The following APCDD1L variants were observed in gnomAD, a reference collection of about 807,000 sequenced individuals.
APCDD1L encodes APC down-regulated 1 like.
A neutral mutation model predicts 24.2 loss-of-function variants in APCDD1L; 21 were observed. The observed-to-expected ratio is 0.87, with a 90% CI of 0.61 to 1.25. The LOEUF is 1.25. Among genes scored for constraint, APCDD1L ranks in the 50% most tolerant of loss-of-function variants. The pLI is 0.00. For missense variants in APCDD1L, 704 were observed against 711.7 expected, an observed-to-expected ratio of 0.99 and a Z score of 0.12; for synonymous variants, 321 against 323.6, an observed-to-expected ratio of 0.99 and a Z score of 0.09.
Position 58,467,262 on chromosome 20 carries a change from C to G in APCDD1L, c.585G>C (p.Glu195Asp). ...CLEALGLTMH[E>D]LSLVRVQRRL... ...GGCGCTGCACGCGGACCAGGCTGAGCTCGTGCATGGTGAGGCCCAGCGCCT... is the reference window on the plus strand; with the variant it reads ...GGCGCTGCACGCGGACCAGGCTGAGGTCGTGCATGGTGAGGCCCAGCGCCT... Residue 195 changes from glutamate to aspartate, a missense_variant, in exon 3 of 4, where the codon GAG (glutamate) becomes GAC (aspartate). Coordinates refer to ENST00000371149, the MANE Select transcript of APCDD1L (RefSeq NM_153360.3). The surrounding 1 kb of genome is among the most constrained non-coding windows in gnomAD (Gnocchi z 5.9). 1 of 1,577,756 alleles carries G rather than the reference C, an allele frequency of 6.3e-7. No individual in the cohort carries two copies.
Position 58,494,618 on chromosome 20 carries a change from T to C in APCDD1L, c.49+20041A>G, listed in dbSNP as rs1190286844. ...CCTCCCAAAGCGTTGGGATTATAGGTGTGAGCCACTGTGCCTGGCTGTCAA... is the reference window on the plus strand; with the variant it reads ...CCTCCCAAAGCGTTGGGATTATAGGCGTGAGCCACTGTGCCTGGCTGTCAA... On this transcript the variant is annotated intron_variant, in intron 1 of 3. Coordinates refer to ENST00000371149, the MANE Select transcript of APCDD1L (RefSeq NM_153360.3). This position sits in a 1 kb window ranked among gnomAD's most constrained non-coding sequence, Gnocchi z 4.8. 1.3e-5 allele frequency among the ~76,000 whole-genome samples: 2 copies of C among 152,138 alleles called. No homozygotes were observed. Among genetic ancestry groups the C allele is most frequent in the African/African-American group, 4.8e-5 (2 of 41,424 alleles).
rs373395934 is a variant in APCDD1L at position 58,492,543 on chromosome 20, A to G, written c.50-21796T>C. On this transcript the variant is annotated intron_variant, in intron 1 of 3. Transcript: ENST00000371149. ...TATGAATTGCAAAAATAGCAAGAGT[A>G]GGTGAGGACCAATGGGAACCCTGCC... 9.9e-5 allele frequency among the ~76,000 whole-genome samples: 15 copies of G among 152,274 alleles called. No individual in the cohort carries two copies. In the East Asian group the frequency reaches 2.3e-3, roughly 23 times the overall value.
Position 58,467,032 on chromosome 20 carries a change from T to A in APCDD1L, c.741+74A>T. 6.6e-7 allele frequency: 1 copy of A among 1,504,548 alleles called. No homozygotes were observed. The highest frequency in any genetic ancestry group is 8.8e-7 in the Non-Finnish European group (1 of 1,132,174). The allele number at this position is 1,504,548 out of a possible 1,614,324, so 93.2% of individuals were successfully genotyped here. Reference sequence around the variant, plus strand: ...TGGGCAGGCCCAGGTCTTGCAAAGCTGCGGGGCTGGGTTCCGAGCTCGCCT... The same window carrying A: ...TGGGCAGGCCCAGGTCTTGCAAAGCAGCGGGGCTGGGTTCCGAGCTCGCCT... On this transcript the variant is annotated intron_variant, in intron 3 of 3. Transcript: ENST00000371149. This position sits in a 1 kb window ranked among gnomAD's most constrained non-coding sequence, Gnocchi z 5.9.
At chr20:58,502,307 G>C (rs6128357) in intron 1 of APCDD1L, among the ~76,000 whole-genome samples, 1 of 152,038 alleles carries the variant, frequency 6.6e-6, no homozygotes, top group African/African-American at 2.4e-5. Flanking sequence ...CACCATGTTG[G>C]CCAGGCTGGT....
In APCDD1L at chr20:58,470,679, G is replaced by A. The variant is rs888411625; in HGVS notation, c.118C>T (p.Pro40Ser). 1.0e-5 allele frequency: 16 copies of A among 1,560,316 alleles called. No homozygotes were observed. In the Admixed American group the frequency reaches 2.7e-4, roughly 26 times the overall value. ...CLRWEPHCQQ[P>S]LPDRVPSTAI... The stretch of plus-strand genomic sequence containing the variant: ...GTGCTGGGCACTCTATCTGGCAAGG[G>A]CTGCTGGCAGTGGGGTTCCCAGCGC... Residue 40 changes from proline to serine, a missense_variant, in exon 2 of 4, where the codon CCC (proline) becomes TCC (serine). By Grantham distance (74) the Pro-to-Ser change is moderately conservative. Transcript: ENST00000371149.
chr20:58,492,012 C>G (rs1185105798), intron 1 of APCDD1L, among the ~76,000 whole-genome samples: 2 of 152,114 alleles, frequency 1.3e-5, no homozygotes, highest in Non-Finnish European at 2.9e-5. Context: ...TGGTTATCCC[C>G]GTGGAAAGGA....
At chr20:58,471,878 T>A (rs1240056312) in intron 1 of APCDD1L, among the ~76,000 whole-genome samples, 3 of 151,700 alleles carry the variant, frequency 2.0e-5, no homozygotes, top group Non-Finnish European at 2.9e-5. Flanking sequence ...GGGGCTGGAG[T>A]GGGTCAGGAG....
At position 58,508,427 on chromosome 20, in the gene APCDD1L, G is replaced by A. The variant is rs768033979; in HGVS notation, c.49+6232C>T. 6.6e-6 allele frequency among the ~76,000 whole-genome samples: 1 copy of A among 152,240 alleles called. No individual in the cohort carries two copies. The highest frequency in any genetic ancestry group is 2.4e-5 in the African/African-American group (1 of 41,454). ...CTGAGACTGTGTCCATAAATCAAGA[G>A]AGACTCCAGCTGATGTGCTTTACAT... On this transcript the variant is annotated intron_variant, in intron 1 of 3. Coordinates refer to ENST00000371149, the MANE Select transcript of APCDD1L (RefSeq NM_153360.3). This position sits in a 1 kb window ranked among gnomAD's most constrained non-coding sequence, Gnocchi z 4.0.
intron 1 of APCDD1L, among the ~76,000 whole-genome samples, chr20:58,482,230 T>G (rs907455085): frequency 4.6e-5 from 7 of 152,210 alleles, no homozygotes; most frequent in African/African-American, 1.7e-4. Context: ...AAAACCTACA[T>G]CATGTTTCGG....
chr20:58,471,227 C>G, intron 1 of APCDD1L, among the ~76,000 whole-genome samples: 1 of 152,220 alleles, frequency 6.6e-6, no homozygotes, highest in African/African-American at 2.4e-5. Flanking sequence ...GACCACTCCC[C>G]TCCACCAAGG....
chr20:58,473,985 CA>C, intron 1 of APCDD1L, among the ~76,000 whole-genome samples: 1 of 152,292 alleles, frequency 6.6e-6, no homozygotes, highest in South Asian at 2.1e-4. Context: ...ATCAGAGCAC[CA>C]GAAACAGGCC....
At chr20:58,514,598 C>G in intron 1 of APCDD1L, 61 bp downstream of exon 1, 1 of 1,282,240 alleles carries the variant, frequency 7.8e-7, no homozygotes, top group Non-Finnish European at 9.9e-7. Flanking sequence ...GGACATTAGA[C>G]GGCGAGCTCC....
intron 1 of APCDD1L, among the ~76,000 whole-genome samples, chr20:58,495,522 T>C (rs772075987): frequency 3.9e-5 from 6 of 152,194 alleles, no homozygotes; most frequent in Non-Finnish European, 5.9e-5. Flanking sequence ...TCAACCCCCC[T>C]GTGCCCCGAG....
intron 1 of APCDD1L, among the ~76,000 whole-genome samples, chr20:58,479,395 C>T (rs1989979765): frequency 1.3e-5 from 2 of 152,136 alleles, no homozygotes; most frequent in Admixed American, 6.5e-5. Flanking sequence ...GACAGCAGAG[C>T]TCTAGCTCAA....
chr20:58,460,976 G>A lies in APCDD1L; in HGVS notation c.1320C>T (p.Thr440=), dbSNP rs1989585054. The change falls in exon 4 of 4, where the codon ACC becomes ACT. Residue 440 remains threonine (T), a synonymous_variant. Coordinates refer to ENST00000371149, the MANE Select transcript of APCDD1L (RefSeq NM_153360.3). The surrounding 1 kb of genome is among the most constrained non-coding windows in gnomAD (Gnocchi z 4.2). ...QRPTDGSSPD[T]PEKRPTSYQA... Reference sequence around the variant, plus strand: ...GGTAGGAGGTGGGACGTTTCTCTGGGGTATCGGGACTTGAGCCATCGGTGG... The same window carrying A: ...GGTAGGAGGTGGGACGTTTCTCTGGAGTATCGGGACTTGAGCCATCGGTGG... The A allele has an allele frequency of 6.2e-7, 1 of 1,614,128 alleles. No individual in the cohort carries two copies. The highest frequency in any genetic ancestry group is 8.5e-7 in the Non-Finnish European group (1 of 1,180,002).
At chr20:58,503,462 G>A (rs4810134) in intron 1 of APCDD1L, among the ~76,000 whole-genome samples, 10,145 of 152,254 alleles carry the variant, frequency 0.067, 427 homozygotes, top group East Asian at 0.2. Context: ...GCAACTCTAA[G>A]TGTACATTTC....
At chr20:58,472,908 G>A (rs148749293) in intron 1 of APCDD1L, among the ~76,000 whole-genome samples, 4 of 152,180 alleles carry the variant, frequency 2.6e-5, no homozygotes, top group Non-Finnish European at 5.9e-5. Flanking sequence ...CTGAGCTGAC[G>A]GGTGCACGTC....
chr20:58,463,396 G>A (rs1185329397), intron 3 of APCDD1L, among the ~76,000 whole-genome samples: 2 of 152,146 alleles, frequency 1.3e-5, no homozygotes, highest in Non-Finnish European at 2.9e-5. Context: ...ACTCTCGTGA[G>A]CTGGGTTTAC....
chr20:58,466,782 AC>A (rs1989714105), intron 3 of APCDD1L, among the ~76,000 whole-genome samples: 1 of 152,136 alleles, frequency 6.6e-6, no homozygotes, highest in Admixed American at 6.5e-5. Context: ...GGAGGGGGAC[AC>A]CCACCAAGCC....
Sources: allele counts gnomAD v4.1 joint callset (sites outside exome capture counted in the v4.1 genomes callset), GRCh38; gene constraint gnomAD v4.1.1; non-coding constraint Gnocchi (gnomAD v3.1); transcripts MANE v1.5; gene names NCBI Gene and HGNC (gene_info 2026-07-23, HGNC 2026-07-21).